Variants in NDE1 observed in about 807,000 individuals in gnomAD.
NDE1 encodes nuclear distribution protein nudE homolog 1.
A neutral mutation model predicts 43.4 loss-of-function variants in NDE1; 28 were observed. The observed-to-expected ratio is 0.65, with a 90% confidence interval of 0.48 to 0.89. The LOEUF (loss-of-function observed/expected upper bound fraction) is 0.89. Among genes scored for constraint, NDE1 ranks in the 40% least tolerant of loss-of-function variants. NDE1 has a pLI of 0.00. For synonymous variants in NDE1, 184 were observed against 172.0 expected, an observed-to-expected ratio of 1.07 and a Z score of -0.55; for missense variants, 441 against 434.1, an observed-to-expected ratio of 1.02 and a Z score of -0.14.
In NDE1 at chr16:15,724,972, T is replaced by C. The variant is rs761364286; in HGVS notation, c.*721T>C. The C allele has an allele frequency of 2.7e-5, 44 of 1,613,900 alleles. No individual in the cohort carries two copies. Among genetic ancestry groups the C allele is most frequent in the Non-Finnish European group, 2.4e-5 (28 of 1,180,012 alleles). ...TCCCCTCGGCCTCGTTAAGCATCCC[T>C]GTGACGCTCTCAACTTCATTCTAAG... On this transcript the variant is annotated 3_prime_UTR_variant, in exon 9 of 9. Coordinates refer to ENST00000396354, the MANE Select transcript of NDE1 (RefSeq NM_017668.3).
intron 8 of NDE1, chr16:15,703,217 G>A (rs955231377): frequency 6.7e-5 from 14 of 209,086 alleles, no homozygotes; most frequent in African/African-American, 2.7e-4. Flanking sequence ...GCTCCCCTCC[G>A]TGGGAGCAGC....
At chr16:15,645,897 G>T (rs544080707), upstream of NDE1, among the ~76,000 whole-genome samples, 1 of 152,294 alleles carries the variant, frequency 6.6e-6, no homozygotes, top group South Asian at 2.1e-4. Flanking sequence ...ATTAGGTTCA[G>T]TGGTTTGAAT....
intron 5 of NDE1, among the ~76,000 whole-genome samples, chr16:15,689,234 AATC>A (rs1202218199): frequency 2.0e-5 from 3 of 152,180 alleles, no homozygotes; most frequent in South Asian, 2.1e-4. Context: ...TGATGCCTGT[AATC>A]TCAGTGCTTT....
At chr16:15,672,213 T>C (rs1314348617) in intron 3 of NDE1, among the ~76,000 whole-genome samples, 2 of 151,908 alleles carry the variant, frequency 1.3e-5, no homozygotes, top group African/African-American at 4.8e-5. Flanking sequence ...GGCGGGCGGA[T>C]CATGAGGTCA....
chr16:15,667,638 T>TTG (rs1555538046), intron 3 of NDE1, among the ~76,000 whole-genome samples, 199 bp downstream of exon 3: 3 of 147,552 alleles, frequency 2.0e-5, no homozygotes, highest in East Asian at 3.9e-4. Flanking sequence ...TTTTGTTTTT[T>TTG]TTTTTTTTTT....
intron 8 of NDE1, chr16:15,700,195 C>T (rs1336745890): frequency 1.9e-5 from 15 of 802,608 alleles, no homozygotes; most frequent in Non-Finnish European, 2.0e-5. Flanking sequence ...CTCCTGGGTT[C>T]AAACGGTTCT....
chr16:15,710,669 C>G (rs187801667), intron 8 of NDE1, among the ~76,000 whole-genome samples: 121 of 151,960 alleles, frequency 8.0e-4, no homozygotes, highest in African/African-American at 2.9e-3. Flanking sequence ...CAGAGCACAT[C>G]TGAGGGTTTT....
At position 15,677,969 on chromosome 16, in the gene NDE1, G is replaced by A. The variant is rs2037973125; in HGVS notation, c.386+20G>A. ...CAAGCGGTATGGGTGGAAGGGAAAA[G>A]CACGAGTGGGAGACTCTCCTCTCTG... On this transcript the variant is annotated intron_variant, in intron 4 of 8. Coordinates refer to ENST00000396354, the MANE Select transcript of NDE1 (RefSeq NM_017668.3). The A allele has an allele frequency of 3.1e-6, 5 of 1,613,804 alleles. No individual in the cohort carries two copies. In the East Asian group the frequency reaches 8.9e-5, roughly 29 times the overall value.
At chr16:15,645,320 A>T (rs997034764), upstream of NDE1, among the ~76,000 whole-genome samples, 6 of 152,174 alleles carry the variant, frequency 3.9e-5, no homozygotes, top group Admixed American at 2.0e-4. Context: ...GTAACTAGTC[A>T]CAACAAGTAA....
chr16:15,678,927 T>G (rs1353822211), intron 4 of NDE1, among the ~76,000 whole-genome samples: 1 of 151,690 alleles, frequency 6.6e-6, no homozygotes, highest in Non-Finnish European at 1.5e-5. Context: ...ATACAAAAAA[T>G]TAGCCGGGCG....
intron 4 of NDE1, chr16:15,684,568 T>TAAAAAAAAAAA (rs35262521): frequency 8.2e-6 from 1 of 121,598 alleles, no homozygotes. Flanking sequence ...AACTCCATCT[T>TAAAAAAAAAAA]AAAAAAAAAA....
rs767885449 is a variant in NDE1 at position 15,724,214 on chromosome 16, T to C, written c.971T>C (p.Leu324Ser). Residue 324 changes from leucine to serine, a missense_variant, in exon 9 of 9, where the codon TTG becomes TCG. Physicochemically the swap from Leu to Ser is moderately radical, Grantham distance 145. Transcript: ENST00000396354. The part of the protein sequence containing the change: ...DKGLDTSCRW[L>S]SKSTTRSSSS... Reference sequence around the variant, plus strand: ...AGGTTGGACACGAGTTGCCGCTGGTTGTCCAAATCAACAACCAGGTCGTCC... The same window carrying C: ...AGGTTGGACACGAGTTGCCGCTGGTCGTCCAAATCAACAACCAGGTCGTCC... 6.2e-7 allele frequency: 1 copy of C among 1,614,038 alleles called. No individual in the cohort carries two copies. Among genetic ancestry groups the C allele is most frequent in the African/African-American group, 1.3e-5 (1 of 74,934 alleles).
intron 5 of NDE1, among the ~76,000 whole-genome samples, chr16:15,690,565 T>C (rs2151116810): frequency 6.6e-6 from 1 of 151,992 alleles, no homozygotes; most frequent in South Asian, 2.1e-4. Flanking sequence ...ATGTTGGAAT[T>C]GTTTTTTCAA....
At chr16:15,676,576 G>T (rs1381216839) in intron 3 of NDE1, among the ~76,000 whole-genome samples, 2 of 152,074 alleles carry the variant, frequency 1.3e-5, no homozygotes, top group Non-Finnish European at 2.9e-5. Context: ...TCACAACGGG[G>T]AGTCCTGGAT....
intron 8 of NDE1, among the ~76,000 whole-genome samples, chr16:15,702,581 C>CTTT (rs35525374): frequency 1.8e-3 from 264 of 150,480 alleles, no homozygotes; most frequent in Admixed American, 3.6e-3. Context: ...AAAAAAACAC[C>CTTT]TTTTTTTTAT....
At chr16:15,705,841 C>A (rs367651003) in intron 8 of NDE1, among the ~76,000 whole-genome samples, 2 of 151,752 alleles carry the variant, frequency 1.3e-5, no homozygotes, top group Non-Finnish European at 1.5e-5. Context: ...ATTAGCCGGG[C>A]GTGCTGGCGG....
intron 8 of NDE1, among the ~76,000 whole-genome samples, 186 bp from the exon 9 acceptor site, chr16:15,724,005 A>G (rs1484117516): frequency 6.6e-6 from 1 of 152,162 alleles, no homozygotes; most frequent in Non-Finnish European, 1.5e-5. Flanking sequence ...TTAATGCTCC[A>G]TGGTCGCCCA....
At chr16:15,707,844 A>G (rs1181029854) in intron 8 of NDE1, among the ~76,000 whole-genome samples, 1 of 151,458 alleles carries the variant, frequency 6.6e-6, no homozygotes, top group Non-Finnish European at 1.5e-5. Context: ...AGGTGGCGGG[A>G]GCCTGTAATC....
chr16:15,669,929 A>C (rs1028405404), intron 3 of NDE1, among the ~76,000 whole-genome samples: 6 of 152,210 alleles, frequency 3.9e-5, no homozygotes. Flanking sequence ...GTGCTCTGCA[A>C]GGTAAAAACC....
Sources: allele counts gnomAD v4.1 joint callset (sites outside exome capture counted in the v4.1 genomes callset), GRCh38; gene constraint gnomAD v4.1.1; transcripts MANE v1.5; gene names NCBI Gene and HGNC (gene_info 2026-07-23, HGNC 2026-07-21).